SPMAP2L: variants seen among roughly 807,000 people sequenced by gnomAD.
SPMAP2L encodes sperm microtubule associated protein 2 like, also known as sperm microtubule associated protein 2-like.
the SPMAP2L span, among the ~76,000 whole-genome samples, chr4:56,538,759 T>C: frequency 1.3e-5 from 2 of 152,174 alleles, no homozygotes; most frequent in African/African-American, 4.8e-5. Context: ...GCCAATATCA[T>C]GCCACTGCAC....
the SPMAP2L span, chr4:56,552,576 T>A: frequency 6.5e-7 from 1 of 1,527,864 alleles, no homozygotes. Flanking sequence ...GAACCCCAAA[T>A]CTTTCAAAGC....
chr4:56,625,670 T>G, the SPMAP2L span, among the ~76,000 whole-genome samples: 1 of 152,136 alleles, frequency 6.6e-6, no homozygotes, highest in Non-Finnish European at 1.5e-5. Flanking sequence ...GCTGCTGCCA[T>G]GTAAGAAGTG....
chr4:56,593,803 T>C, the SPMAP2L span: 2 of 1,602,938 alleles, frequency 1.2e-6, no homozygotes, highest in African/African-American at 2.7e-5. Flanking sequence ...GCAACATCTG[T>C]ACAGCTCAGG....
chr4:56,609,997 A>G, the SPMAP2L span, among the ~76,000 whole-genome samples: 6 of 152,214 alleles, frequency 3.9e-5, no homozygotes, highest in South Asian at 2.1e-4. Flanking sequence ...GGATGGGTAG[A>G]GTGAATATTG....
the SPMAP2L span, among the ~76,000 whole-genome samples, chr4:56,597,925 C>T: frequency 2.4e-4 from 36 of 152,162 alleles, no homozygotes; most frequent in East Asian, 4.8e-3. Context: ...TGCAGCAGCA[C>T]GATCATGGCT....
At chr4:56,552,684 A>T in the SPMAP2L span, 1 of 849,090 alleles carries the variant, frequency 1.2e-6, no homozygotes. Flanking sequence ...AGTATTATTT[A>T]TCCATCCACC....
chr4:56,613,480 G>T, the SPMAP2L span, among the ~76,000 whole-genome samples: 1 of 152,186 alleles, frequency 6.6e-6, no homozygotes, highest in East Asian at 1.9e-4. Context: ...CATAATGGTG[G>T]TGGGTGGGCA....
chr4:56,577,914 G>A, the SPMAP2L span, among the ~76,000 whole-genome samples: 460 of 152,240 alleles, frequency 3.0e-3, 5 homozygotes, highest in African/African-American at 0.011. Context: ...GAGCCTGGGA[G>A]GTTGAAGCTG....
chr4:56,575,592 C>G, the SPMAP2L span: 1 of 1,535,424 alleles, frequency 6.5e-7, no homozygotes. Context: ...CCAAAAGGAT[C>G]CAGAGGCTGT....
the SPMAP2L span, among the ~76,000 whole-genome samples, chr4:56,602,079 G>A: frequency 2.0e-5 from 3 of 152,134 alleles, no homozygotes; most frequent in African/African-American, 7.2e-5. Flanking sequence ...TCATGTACGT[G>A]TATGGCCTAA....
chr4:56,563,495 G>T, the SPMAP2L span, among the ~76,000 whole-genome samples: 5 of 151,838 alleles, frequency 3.3e-5, no homozygotes, highest in African/African-American at 4.8e-5. Flanking sequence ...GCTCTCTGAG[G>T]AAAGACTGTT....
At chr4:56,543,100 CT>C in the SPMAP2L span, among the ~76,000 whole-genome samples, 126 of 143,726 alleles carry the variant, frequency 8.8e-4, no homozygotes, top group Non-Finnish European at 7.8e-4. Context: ...TTATGTTTTG[CT>C]TTTTTTTTTT....
At chr4:56,532,008 G>A in the SPMAP2L span, among the ~76,000 whole-genome samples, 1,112 of 152,188 alleles carry the variant, frequency 7.3e-3, 17 homozygotes, top group African/African-American at 0.025. Flanking sequence ...AAACCCAGCC[G>A]TCCATCTACT....
the SPMAP2L span, among the ~76,000 whole-genome samples, chr4:56,554,509 G>A: frequency 1.3e-5 from 2 of 152,102 alleles, no homozygotes; most frequent in Non-Finnish European, 2.9e-5. Flanking sequence ...CTTTTTAGTT[G>A]GGCTATTTGT....
At chr4:56,608,124 G>GA in the SPMAP2L span, among the ~76,000 whole-genome samples, 2 of 151,788 alleles carry the variant, frequency 1.3e-5, no homozygotes, top group East Asian at 3.9e-4. Flanking sequence ...GTGACAAAAA[G>GA]AAAAAAAAGA....
chr4:56,605,440 T>A, the SPMAP2L span, among the ~76,000 whole-genome samples: 1 of 152,106 alleles, frequency 6.6e-6, no homozygotes, highest in East Asian at 1.9e-4. Context: ...TGTTATGAAA[T>A]AACAGAATAG....
the SPMAP2L span, among the ~76,000 whole-genome samples, chr4:56,576,804 A>G: frequency 6.6e-6 from 1 of 152,190 alleles, no homozygotes; most frequent in Non-Finnish European, 1.5e-5. Context: ...ATAGTTATAA[A>G]CAAAGGAATA....
At chr4:56,614,905 G>T in the SPMAP2L span, among the ~76,000 whole-genome samples, 8 of 152,166 alleles carry the variant, frequency 5.3e-5, no homozygotes, top group East Asian at 1.9e-4. Context: ...GGCAGAAAAG[G>T]TACCTTATTA....
chr4:56,618,590 C>T, the SPMAP2L span, among the ~76,000 whole-genome samples: 3 of 152,134 alleles, frequency 2.0e-5, no homozygotes, highest in Non-Finnish European at 2.9e-5. Flanking sequence ...CATCAGATCT[C>T]GTGAGAACTC....
Sources: gnomAD v4.1 joint callset for allele counts (sites outside exome capture counted in the v4.1 genomes callset) on GRCh38, gnomAD v4.1.1 for gene constraint, MANE v1.5 for transcripts, NCBI Gene and HGNC (gene_info 2026-07-23, HGNC 2026-07-21) for gene names.